The following KRT4 variants were observed in gnomAD, a reference collection of about 807,000 sequenced individuals.
KRT4 encodes keratin, type II cytoskeletal 4.
A neutral mutation model predicts 50.6 loss-of-function variants in KRT4; 47 were observed. That is an observed-to-expected ratio of 0.93 (90% CI 0.73 to 1.18). The LOEUF is 1.18. Ranked by LOEUF, KRT4 falls within the 50% of genes most tolerant of loss-of-function variation. The pLI is 0.00. For missense variants in KRT4, 651 were observed against 645.7 expected (o/e 1.01, Z -0.09); for synonymous variants, 254 against 251.2 (o/e 1.01, Z -0.10).
intron 4 of KRT4, 94 bp from the exon 5 acceptor site, chr12:52,808,944 G>T: frequency 3.0e-6 from 4 of 1,332,716 alleles, no homozygotes; most frequent in Admixed American, 1.7e-5. Flanking sequence ...TTCACAATGT[G>T]TAGGAAGGGG....
chr12:52,812,224 C>T (rs1163626014), intron 1 of KRT4, among the ~76,000 whole-genome samples: 2 of 152,142 alleles, frequency 1.3e-5, no homozygotes, highest in Non-Finnish European at 2.9e-5. Context: ...GAAGCAGGGC[C>T]TAACAGTGCA....
Position 52,809,482 on chromosome 12 carries a change from C to T in KRT4, c.739-4G>A, listed in dbSNP as rs1340246291. Reference sequence around the variant, plus strand: ...TCAGGTAGGCAGCATCCACGTCCTGCAGAGGAGTAAGGAGGATAAGAGATG... The same window carrying T: ...TCAGGTAGGCAGCATCCACGTCCTGTAGAGGAGTAAGGAGGATAAGAGATG... On this transcript the variant is annotated splice_region_variant and splice_polypyrimidine_tract_variant and intron_variant, in intron 3 of 8. Coordinates refer to ENST00000551956, the MANE Select transcript of KRT4 (RefSeq NM_002272.4). The T allele has an allele frequency of 3.7e-6, 6 of 1,608,446 alleles. No homozygotes were observed. The Admixed American group carries it at 8.3e-5, about 22-fold the overall frequency.
chr12:52,809,556 G>A (rs577385414), intron 3 of KRT4, 78 bp from the exon 4 acceptor site: 7 of 999,042 alleles, frequency 7.0e-6, no homozygotes, highest in Non-Finnish European at 1.1e-5. Context: ...GACACCGACA[G>A]GTGTTCTCAG....
At position 52,807,807 on chromosome 12, in the gene KRT4, T is replaced by C. The variant is rs540369838; in HGVS notation, c.1183A>G (p.Lys395Glu). The change falls in exon 7 of 9, where the codon AAA becomes GAA. Residue 395 changes from lysine to glutamate, a missense_variant. Coordinates refer to ENST00000551956, the MANE Select transcript of KRT4 (RefSeq NM_002272.4). ...TCTACGCGCTTGCTGTGGGCATCTT[T>C]AAGGGCATTCTCACCTCGCTGCTCT... ...DAEQRGENAL[K>E]DAHSKRVELE... The C allele has an allele frequency of 1.2e-6, 2 of 1,614,172 alleles. No homozygotes were observed. Among genetic ancestry groups the C allele is most frequent in the South Asian group, 1.1e-5 (1 of 91,078 alleles).
chr12:52,811,538 G>A (rs1939910054), intron 2 of KRT4: 2 of 564,752 alleles, frequency 3.5e-6, no homozygotes, highest in Admixed American at 6.1e-5. Flanking sequence ...GTATATGGCA[G>A]ACCCAAATCC....
At chr12:52,808,996 C>G in intron 4 of KRT4, 146 bp from the exon 5 acceptor site, 1 of 889,340 alleles carries the variant, frequency 1.1e-6, no homozygotes, top group Non-Finnish European at 1.8e-6. Flanking sequence ...GTGGTTGTGA[C>G]AGTTCAGGAT....
At chr12:52,812,098 G>A in intron 1 of KRT4, 121 bp from the exon 2 acceptor site, 1 of 757,476 alleles carries the variant, frequency 1.3e-6, no homozygotes, top group Admixed American at 2.0e-5. Flanking sequence ...CACCCAAGTA[G>A]GGCCACTATG....
chr12:52,812,843 G>A (rs1200677332), intron 1 of KRT4, among the ~76,000 whole-genome samples: 2 of 152,112 alleles, frequency 1.3e-5, no homozygotes, highest in African/African-American at 2.4e-5. Context: ...CCCATATGTC[G>A]AAGCTGCCCA....
Position 52,814,072 on chromosome 12 carries a change from G to A in KRT4, c.-14C>T, listed in dbSNP as rs200351665. Reference sequence around the variant, plus strand: ...TCTGGCAATCATGGCTGCAGAGAGCGAGCTGGGAGCTATCAGAGAAGTGAC... The same window carrying A: ...TCTGGCAATCATGGCTGCAGAGAGCAAGCTGGGAGCTATCAGAGAAGTGAC... On this transcript the variant is annotated 5_prime_UTR_variant, in exon 1 of 9. Transcript: ENST00000551956. 1.5e-5 allele frequency: 25 copies of A among 1,613,580 alleles called. No individual in the cohort carries two copies. Among genetic ancestry groups the A allele is most frequent in the Non-Finnish European group, 1.7e-5 (20 of 1,179,708 alleles).
intron 5 of KRT4, 88 bp downstream of exon 5, chr12:52,808,598 G>T: frequency 6.6e-7 from 1 of 1,520,318 alleles, no homozygotes; most frequent in Non-Finnish European, 9.1e-7. Flanking sequence ...GACTTCTATT[G>T]GGCTTGAGCT....
intron 3 of KRT4, among the ~76,000 whole-genome samples, 175 bp from the exon 4 acceptor site, chr12:52,809,653 C>T (rs1314134552): frequency 6.6e-6 from 1 of 152,174 alleles, no homozygotes; most frequent in African/African-American, 2.4e-5. Context: ...CACCTGAAGA[C>T]ATGGAAGTTG....
In KRT4 at chr12:52,808,769, T is replaced by C. The variant is rs1265549325; in HGVS notation, c.916A>G (p.Ser306Gly). The C allele has an allele frequency of 5.6e-6, 9 of 1,614,232 alleles. No individual in the cohort carries two copies. Among genetic ancestry groups the C allele is most frequent in the Non-Finnish European group, 7.6e-6 (9 of 1,180,034 alleles). The change falls in exon 5 of 9, where the codon AGC (serine) becomes GGC (glycine). Residue 306 changes from serine (S) to glycine (G), a missense_variant. Physicochemically the swap from Ser to Gly is moderately conservative, Grantham distance 56 (BLOSUM62 0). Coordinates refer to ENST00000551956, the MANE Select transcript of KRT4 (RefSeq NM_002272.4). ...MDNNRNLDLDSIIAEVRAQYE... is the reference protein window; with the variant it reads ...MDNNRNLDLDGIIAEVRAQYE... ...TGGGCACGGACCTCGGCAATAATGC[T>C]GTCCAGGTCCAGGTTGCGGTTGTTG...
At position 52,810,818 on chromosome 12, in the gene KRT4, TG is replaced by T. The variant is rs1239760869; in HGVS notation, c.678-3del. The T allele has an allele frequency of 6.2e-7, 1 of 1,613,228 alleles. No individual in the cohort carries two copies. The highest frequency in any genetic ancestry group is 8.5e-7 in the Non-Finnish European group (1 of 1,179,180). On this transcript the variant is annotated splice_polypyrimidine_tract_variant and splice_region_variant and intron_variant, in intron 2 of 8. Transcript: ENST00000551956. ...CGTTTGTTGATCTCCTCTTCATACC[TG>T]GGGGTGGGCACGGGGAGAAAAAGAC... is the stretch of plus-strand genomic sequence containing the variant.
rs1381704972 is a variant in KRT4 at position 52,813,749 on chromosome 12, A to C, written c.310T>G (p.Cys104Gly). Reference protein sequence around the residue: ...SGKGGPGFPVCPAGGIQEVTI... With the variant: ...SGKGGPGFPVGPAGGIQEVTI... The stretch of plus-strand genomic sequence containing the variant: ...ACCTCCTGAATTCCCCCAGCGGGGC[A>C]GACGGGGAAGCCAGGGCCACCCTTA... The change falls in exon 1 of 9, where the codon TGC becomes GGC. Residue 104 changes from cysteine to glycine, a missense_variant. Physicochemically the swap from Cys to Gly is radical, Grantham distance 159. Coordinates refer to ENST00000551956, the MANE Select transcript of KRT4 (RefSeq NM_002272.4). 9.9e-7 allele frequency: 1 copy of C among 1,012,766 alleles called. No homozygotes were observed. The highest frequency in any genetic ancestry group is 3.7e-5 in the Admixed American group (1 of 26,756). 62.7% of individuals were successfully genotyped at this position (1,012,766 alleles called of 1,614,324 possible). A position where few individuals can be genotyped will look rare whatever the true frequency, so the allele number is the denominator to read the frequency against.
rs1939894205 is a variant in KRT4, at chr12:52,810,688, C to A, written c.738+68G>T. 4.6e-6 allele frequency: 6 copies of A among 1,314,138 alleles called. No individual in the cohort carries two copies. The South Asian group carries it at 5.9e-5, about 13-fold the overall frequency. 81.4% of individuals were successfully genotyped at this position (1,314,138 alleles called of 1,614,324 possible). Reference sequence around the variant, plus strand: ...CAGAGATGGACCAAACCCATGACTTCAGCCAAAGACCACTCCCCAAGGGAA... The same window carrying A: ...CAGAGATGGACCAAACCCATGACTTAAGCCAAAGACCACTCCCCAAGGGAA... On this transcript the variant is annotated intron_variant, in intron 3 of 8. Transcript: ENST00000551956.
At chr12:52,812,955 G>A (rs951002113) in intron 1 of KRT4, among the ~76,000 whole-genome samples, 10 of 152,168 alleles carry the variant, frequency 6.6e-5, no homozygotes, top group African/African-American at 2.4e-4. Context: ...GGGCTGCACT[G>A]CTCACTATCA....
rs367668872 is a variant in KRT4, at chr12:52,808,866, C to T, written c.835-16G>A. ...GGGACAGCTCCTGCAGGGCAAATGT[C>T]TCACATCAGCCCCCCCAGGAAAGCC... On this transcript the variant is annotated splice_polypyrimidine_tract_variant and intron_variant, in intron 4 of 8. Transcript: ENST00000551956. 1 of 1,613,996 alleles carries T rather than the reference C, an allele frequency of 6.2e-7. No individual in the cohort carries two copies. Among genetic ancestry groups the T allele is most frequent in the Non-Finnish European group, 8.5e-7 (1 of 1,179,864 alleles).
At chr12:52,810,609 C>A (rs1348888350) in intron 3 of KRT4, 147 bp downstream of exon 3, 2 of 703,612 alleles carry the variant, frequency 2.8e-6, no homozygotes, top group Non-Finnish European at 5.1e-6. Flanking sequence ...GTTTGGTTAC[C>A]CACTTTCCTT....
rs886049646 is a variant in KRT4 at position 52,814,034 on chromosome 12, G to A, written c.25C>T (p.Arg9Ter). 3.0e-5 allele frequency: 49 copies of A among 1,613,718 alleles called. No homozygotes were observed. Among genetic ancestry groups the A allele is most frequent in the Non-Finnish European group, 4.0e-5 (47 of 1,179,814 alleles). The change falls in exon 1 of 9, where the codon CGA becomes TGA. Residue 9 changes from arginine (R) to a stop codon, truncating the protein, a stop_gained. Transcript: ENST00000551956. LOFTEE classifies it high-confidence loss of function. The part of the protein sequence containing the change: MIARQQCV[R>*]GGPRGFSCGS... Reference sequence around the variant, plus strand: ...CAGCTGAAGCCCCGGGGCCCGCCTCGGACACACTGCTGTCTGGCAATCATG... The same window carrying A: ...CAGCTGAAGCCCCGGGGCCCGCCTCAGACACACTGCTGTCTGGCAATCATG...
Sources: allele counts gnomAD v4.1 joint callset (sites outside exome capture counted in the v4.1 genomes callset), GRCh38; gene constraint gnomAD v4.1.1; transcripts MANE v1.5; gene names NCBI Gene and HGNC (gene_info 2026-07-23, HGNC 2026-07-21).